PCCA: variants seen among roughly 807,000 people sequenced by gnomAD.
PCCA encodes propionyl-CoA carboxylase alpha chain, mitochondrial.
PCCA carries 74 observed loss-of-function variants against 101.3 expected under a neutral mutation model. The observed-to-expected ratio is 0.73, with a 90% CI of 0.61 to 0.89. The LOEUF is 0.89. PCCA is among the 40% of genes least tolerant of loss of function. The probability of loss-of-function intolerance (pLI) is 0.00; values close to 1 mark genes in which losing one functional copy is unlikely to be tolerated. For missense variants in PCCA, 891 were observed against 907.0 expected (o/e 0.98, Z 0.23); for synonymous variants, 294 against 313.6 (o/e 0.94, Z 0.66).
chr13:100,443,010 T>C (rs1241228437), intron 20 of PCCA, among the ~76,000 whole-genome samples: 1 of 152,150 alleles, frequency 6.6e-6, no homozygotes, highest in Non-Finnish European at 1.5e-5. Flanking sequence ...GTTGTTTCTT[T>C]CTATTCATGT....
chr13:100,243,522 G>T (rs189700654), intron 8 of PCCA, among the ~76,000 whole-genome samples: 84 of 152,162 alleles, frequency 5.5e-4, no homozygotes, highest in Middle Eastern at 3.4e-3. Context: ...AAATGATCTA[G>T]GATTATTCAA....
intron 6 of PCCA, among the ~76,000 whole-genome samples, chr13:100,176,268 T>A (rs1395302390): frequency 6.6e-6 from 1 of 152,194 alleles, no homozygotes; most frequent in African/African-American, 2.4e-5. Flanking sequence ...CCAGAAATTT[T>A]CTTTTTGTAG....
chr13:100,191,239 G>A (rs924310288), intron 6 of PCCA, among the ~76,000 whole-genome samples: 2 of 152,184 alleles, frequency 1.3e-5, no homozygotes, highest in Non-Finnish European at 2.9e-5. Context: ...CTCAGCACAC[G>A]ACAGTTGTGA....
chr13:100,200,908 G>A (rs1335490162), intron 6 of PCCA, among the ~76,000 whole-genome samples: 1 of 151,996 alleles, frequency 6.6e-6, no homozygotes, highest in East Asian at 1.9e-4. Context: ...CAAAATTGCA[G>A]AACTTTAACC....
At chr13:100,454,640 G>T (rs1481206712) in intron 21 of PCCA, among the ~76,000 whole-genome samples, 1 of 152,118 alleles carries the variant, frequency 6.6e-6, no homozygotes, top group African/African-American at 2.4e-5. Flanking sequence ...AATCCTTGTA[G>T]AATTTTCTAT....
intron 8 of PCCA, among the ~76,000 whole-genome samples, chr13:100,247,846 C>A (rs1201089606): frequency 6.6e-6 from 1 of 152,076 alleles, no homozygotes; most frequent in Non-Finnish European, 1.5e-5. Flanking sequence ...ATCTGATGGA[C>A]CTATATTTGA....
intron 21 of PCCA, 124 bp from the exon 22 acceptor site, chr13:100,515,303 T>G: frequency 1.2e-6 from 1 of 836,076 alleles, no homozygotes. Context: ...TTGAGAACCA[T>G]TTGAATTTAA....
At chr13:100,133,059 A>C (rs2050714709) in intron 4 of PCCA, among the ~76,000 whole-genome samples, 1 of 152,160 alleles carries the variant, frequency 6.6e-6, no homozygotes, top group African/African-American at 2.4e-5. Flanking sequence ...GATTATAGAC[A>C]TGAGCCACCA....
At chr13:100,432,593 T>G (rs2079633766) in intron 20 of PCCA, among the ~76,000 whole-genome samples, 1 of 152,164 alleles carries the variant, frequency 6.6e-6, no homozygotes, top group Non-Finnish European at 1.5e-5. Flanking sequence ...CAGTCAGCAG[T>G]GGAGATATTA....
At chr13:100,132,509 C>T (rs957520791) in intron 4 of PCCA, among the ~76,000 whole-genome samples, 1 of 152,070 alleles carries the variant, frequency 6.6e-6, no homozygotes, top group Non-Finnish European at 1.5e-5. Flanking sequence ...TTTTTATTAC[C>T]GAGTAGTGTT....
intron 4 of PCCA, among the ~76,000 whole-genome samples, chr13:100,139,524 G>A (rs1413498733): frequency 2.0e-5 from 3 of 151,618 alleles, no homozygotes; most frequent in African/African-American, 4.8e-5. Context: ...AGCCCATCCA[G>A]TATGTTTTTT....
At chr13:100,487,035 G>A (rs2084435289) in intron 21 of PCCA, among the ~76,000 whole-genome samples, 1 of 152,202 alleles carries the variant, frequency 6.6e-6, no homozygotes, top group Admixed American at 6.5e-5. Context: ...ATTTTATAAT[G>A]AGCATATCCC....
At chr13:100,287,661 G>T (rs983425057) in intron 12 of PCCA, among the ~76,000 whole-genome samples, 2 of 152,024 alleles carry the variant, frequency 1.3e-5, no homozygotes, top group African/African-American at 4.8e-5. Context: ...AGTTCTATGT[G>T]ATTGTAGCAT....
rs547697822 is a variant in PCCA at position 100,118,039 on chromosome 13, C to A, written c.300+5978C>A. ...GCTGAGGCAGGAGAATGGTGTGAACCCGGGAGGCGGAGCTTGCAGTGAGCT... is the reference window on the plus strand; with the variant it reads ...GCTGAGGCAGGAGAATGGTGTGAACACGGGAGGCGGAGCTTGCAGTGAGCT... On this transcript the variant is annotated intron_variant, in intron 4 of 23. Transcript: ENST00000376285. Among the ~76,000 whole-genome samples, 27 of 151,316 alleles carry A rather than the reference C, an allele frequency of 1.8e-4. No homozygotes were observed. In the South Asian group the frequency reaches 4.4e-3, roughly 25 times the overall value.
At chr13:100,284,634 A>G (rs539638350) in intron 12 of PCCA, among the ~76,000 whole-genome samples, 2 of 152,350 alleles carry the variant, frequency 1.3e-5, no homozygotes, top group East Asian at 3.9e-4. Context: ...ATGAGGCAGT[A>G]ATTCCACTAT....
intron 7 of PCCA, among the ~76,000 whole-genome samples, chr13:100,215,888 C>T (rs2059477823): frequency 6.6e-6 from 1 of 152,150 alleles, no homozygotes; most frequent in African/African-American, 2.4e-5. Flanking sequence ...GATTCACCTG[C>T]CTTGGCCTCC....
At chr13:100,123,631 A>ATG (rs1305916302) in intron 4 of PCCA, among the ~76,000 whole-genome samples, 1 of 131,716 alleles carries the variant, frequency 7.6e-6, no homozygotes, top group Non-Finnish European at 1.6e-5. Flanking sequence ...TAACAACATA[A>ATG]TGGGGGGGGA....
chr13:100,101,923 A>G (rs1173714804), intron 1 of PCCA, among the ~76,000 whole-genome samples: 1 of 152,106 alleles, frequency 6.6e-6, no homozygotes, highest in Non-Finnish European at 1.5e-5. Flanking sequence ...TAGTTGTACA[A>G]ATTTTTCAGT....
intron 4 of PCCA, among the ~76,000 whole-genome samples, chr13:100,144,004 T>C: frequency 6.6e-6 from 1 of 151,642 alleles, no homozygotes; most frequent in Non-Finnish European, 1.5e-5. Flanking sequence ...GCTCAAATGA[T>C]CCTCCCATCT....
Sources: gnomAD v4.1 joint callset for allele counts (sites outside exome capture counted in the v4.1 genomes callset) on GRCh38, gnomAD v4.1.1 for gene constraint, MANE v1.5 for transcripts, NCBI Gene and HGNC (gene_info 2026-07-23, HGNC 2026-07-21) for gene names.